ZNF407: variants seen among roughly 807,000 people sequenced by gnomAD.
The protein encoded by ZNF407 is zinc finger protein 407.
Under a neutral mutation model 131.2 loss-of-function variants are expected in ZNF407, and 17 were observed. The ratio of observed to expected loss-of-function variants is 0.13; its 90% CI spans 0.09 to 0.19. ZNF407 has a LOEUF of 0.19. Ranked by LOEUF, ZNF407 falls within the 10% of genes least tolerant of loss-of-function variation. The pLI, the probability that ZNF407 is intolerant of heterozygous loss-of-function variation, is 1.00. For missense variants in ZNF407, 2,681 were observed against 2,830.6 expected (o/e 0.95, Z 1.20); for synonymous variants, 1,156 against 1,062.0 (o/e 1.09, Z -1.72).
chr18:74,756,184 G>A (rs1490738860), intron 3 of ZNF407, among the ~76,000 whole-genome samples: 5 of 151,876 alleles, frequency 3.3e-5, no homozygotes, highest in African/African-American at 4.8e-5. Flanking sequence ...GAGCCACAGC[G>A]CCTGGCCATA....
chr18:75,012,804 G>A (rs1007197796), intron 8 of ZNF407, among the ~76,000 whole-genome samples: 1 of 151,556 alleles, frequency 6.6e-6, no homozygotes, highest in Non-Finnish European at 1.5e-5. Flanking sequence ...TTCATGAATG[G>A]TTTATTCATT....
intron 3 of ZNF407, among the ~76,000 whole-genome samples, chr18:74,647,362 C>T (rs1168877283): frequency 3.9e-5 from 6 of 152,110 alleles, no homozygotes; most frequent in Non-Finnish European, 7.4e-5. Context: ...GAAGCTCTTC[C>T]GAGCCCAGGA....
chr18:75,060,797 G>A (rs1424048950), intron 8 of ZNF407, among the ~76,000 whole-genome samples: 1 of 152,176 alleles, frequency 6.6e-6, no homozygotes, highest in East Asian at 1.9e-4. Flanking sequence ...CGGCCACCGC[G>A]CCCGGCCGCA....
At chr18:74,817,078 G>A in intron 4 of ZNF407, among the ~76,000 whole-genome samples, 1 of 152,172 alleles carries the variant, frequency 6.6e-6, no homozygotes. Flanking sequence ...CTTGAATGCA[G>A]ACTCTAAGAG....
In ZNF407 at chr18:74,632,867, T is replaced by G; in HGVS notation, c.1848T>G (p.Leu616=). 6.2e-7 allele frequency: 1 copy of G among 1,613,564 alleles called. No individual in the cohort carries two copies. The highest frequency in any genetic ancestry group is 8.5e-7 in the Non-Finnish European group (1 of 1,179,886). ...HMKEKHNMHF[L]CTPCNLFFLS... is the part of the protein sequence containing the mutation. ...AGGAAAAGCACAATATGCATTTTCT[T>G]TGCACCCCTTGTAATCTGTTCTTTT... The change falls in exon 2 of 9, where the codon CTT becomes CTG. Residue 616 remains leucine (L), a synonymous_variant. Transcript: ENST00000299687.
At chr18:75,011,573 A>C (rs942575094) in intron 8 of ZNF407, among the ~76,000 whole-genome samples, 1 of 152,184 alleles carries the variant, frequency 6.6e-6, no homozygotes, top group Non-Finnish European at 1.5e-5. Context: ...GTAAGTAGTA[A>C]GAAAATATTC....
intron 3 of ZNF407, among the ~76,000 whole-genome samples, chr18:74,749,753 G>T (rs1968755602): frequency 6.6e-6 from 1 of 152,034 alleles, no homozygotes. Flanking sequence ...TGTTATTTTT[G>T]AAAGTACAAC....
At chr18:74,804,911 A>G (rs1006224392) in intron 4 of ZNF407, among the ~76,000 whole-genome samples, 2 of 152,218 alleles carry the variant, frequency 1.3e-5, no homozygotes, top group Middle Eastern at 3.2e-3. Context: ...TAGATCATCA[A>G]TCCTCACTGT....
At chr18:74,746,362 A>G (rs1490538839) in intron 3 of ZNF407, among the ~76,000 whole-genome samples, 4 of 152,078 alleles carry the variant, frequency 2.6e-5, no homozygotes, top group Non-Finnish European at 4.4e-5. Flanking sequence ...ACTAAATTCA[A>G]TTTAAAATTT....
chr18:74,629,864 C>T (rs943622161), intron 1 of ZNF407, among the ~76,000 whole-genome samples: 2 of 151,958 alleles, frequency 1.3e-5, no homozygotes, highest in African/African-American at 4.8e-5. Flanking sequence ...AAAATAAAAT[C>T]AATATTATTG....
intron 4 of ZNF407, among the ~76,000 whole-genome samples, chr18:74,822,789 T>C (rs1338110826): frequency 2.6e-5 from 4 of 152,226 alleles, no homozygotes; most frequent in Non-Finnish European, 4.4e-5. Context: ...TAGTTTTTTT[T>C]CCACTTCTGT....
At chr18:74,636,797 A>G (rs1984483639) in intron 2 of ZNF407, among the ~76,000 whole-genome samples, 1 of 152,244 alleles carries the variant, frequency 6.6e-6, no homozygotes, top group African/African-American at 2.4e-5. Context: ...TTGTGATCCC[A>G]AATATTCCTA....
chr18:74,648,470 G>T (rs183293008), intron 3 of ZNF407, among the ~76,000 whole-genome samples: 1 of 152,046 alleles, frequency 6.6e-6, no homozygotes, highest in Non-Finnish European at 1.5e-5. Context: ...TCGTTTTTTC[G>T]CTTGTCTTTC....
At chr18:74,974,545 C>T (rs1318172921) in intron 8 of ZNF407, among the ~76,000 whole-genome samples, 1 of 152,112 alleles carries the variant, frequency 6.6e-6, no homozygotes, top group Admixed American at 6.5e-5. Flanking sequence ...AACTGTCTTT[C>T]TTTGAGGCAT....
intron 8 of ZNF407, among the ~76,000 whole-genome samples, chr18:74,948,554 G>A (rs890107443): frequency 1.3e-5 from 2 of 152,116 alleles, no homozygotes; most frequent in Non-Finnish European, 2.9e-5. Flanking sequence ...TTGAATCCCC[G>A]ACACTACCAA....
At chr18:74,602,997 G>C (rs931853626) in intron 1 of ZNF407, among the ~76,000 whole-genome samples, 13 of 152,108 alleles carry the variant, frequency 8.5e-5, no homozygotes, top group Non-Finnish European at 1.8e-4. Context: ...ATTCAGGAGA[G>C]AGCTGAGGCT....
chr18:74,977,000 T>C (rs924696320), intron 8 of ZNF407, among the ~76,000 whole-genome samples: 6 of 152,256 alleles, frequency 3.9e-5, no homozygotes, highest in Admixed American at 3.9e-4. Flanking sequence ...CAGTATAGGC[T>C]GGACAGGCAG....
At chr18:74,991,636 TCTTAC>T (rs1167784979) in intron 8 of ZNF407, among the ~76,000 whole-genome samples, 1 of 152,230 alleles carries the variant, frequency 6.6e-6, no homozygotes, top group African/African-American at 2.4e-5. Flanking sequence ...TAAAATTTAT[TCTTAC>T]CTTAATGGGC....
chr18:74,667,415 A>C (rs555543163), intron 3 of ZNF407, among the ~76,000 whole-genome samples: 2 of 152,358 alleles, frequency 1.3e-5, no homozygotes, highest in African/African-American at 4.8e-5. Flanking sequence ...AGTCACAGGT[A>C]CAGTCCCAGG....
Sources: gnomAD v4.1 joint callset for allele counts (sites outside exome capture counted in the v4.1 genomes callset) on GRCh38, gnomAD v4.1.1 for gene constraint, MANE v1.5 for transcripts, NCBI Gene and HGNC (gene_info 2026-07-23, HGNC 2026-07-21) for gene names.